Variants in GRIA1 observed in about 807,000 individuals in gnomAD.
GRIA1 encodes the protein glutamate receptor 1.
A neutral mutation model predicts 99.2 loss-of-function variants in GRIA1; 31 were observed. That is an observed-to-expected ratio of 0.31 (90% confidence interval 0.23 to 0.42). GRIA1 has a LOEUF of 0.42. GRIA1 is among the 10% of genes least tolerant of loss of function. GRIA1 has a pLI of 1.00. For synonymous variants in GRIA1, 438 were observed against 432.4 expected (o/e 1.01, Z -0.16); for missense variants, 782 against 1,157.5 (o/e 0.68, Z 4.71).
At chr5:153,710,423 A>G (rs1055236927) in intron 11 of GRIA1, among the ~76,000 whole-genome samples, 108 of 152,114 alleles carry the variant, frequency 7.1e-4, no homozygotes, top group African/African-American at 2.4e-3. Context: ...AGGTTTCCCT[A>G]TGCTGCCCAA....
intron 11 of GRIA1, among the ~76,000 whole-genome samples, chr5:153,731,579 C>T (rs1237259540): frequency 1.3e-5 from 2 of 152,004 alleles, no homozygotes; most frequent in South Asian, 4.1e-4. Context: ...TAAGGCAGAA[C>T]CCATTTTTTT....
At chr5:153,589,156 T>A (rs750619504) in intron 2 of GRIA1, among the ~76,000 whole-genome samples, 13 of 152,192 alleles carry the variant, frequency 8.5e-5, no homozygotes, top group Non-Finnish European at 1.5e-4. Flanking sequence ...CACAAGTATG[T>A]TAACATCATC....
At chr5:153,604,054 T>C (rs1385982890) in intron 2 of GRIA1, among the ~76,000 whole-genome samples, 1 of 152,180 alleles carries the variant, frequency 6.6e-6, no homozygotes, top group Non-Finnish European at 1.5e-5. Context: ...TGAGTCTTAT[T>C]TCATTTTTGT....
chr5:153,629,264 C>G (rs1412610035), intron 2 of GRIA1, among the ~76,000 whole-genome samples: 1 of 152,164 alleles, frequency 6.6e-6, no homozygotes, highest in Non-Finnish European at 1.5e-5. Context: ...ACATGCAGCT[C>G]GTGCTTCCAC....
chr5:153,744,406 A>G (rs1013539030), intron 11 of GRIA1, among the ~76,000 whole-genome samples: 7 of 152,178 alleles, frequency 4.6e-5, no homozygotes, highest in Admixed American at 3.9e-4. Context: ...AGAATTATGG[A>G]TGTATTTCGA....
intron 2 of GRIA1, among the ~76,000 whole-genome samples, chr5:153,645,012 G>A (rs1448521705): frequency 6.6e-6 from 1 of 152,036 alleles, no homozygotes; most frequent in Non-Finnish European, 1.5e-5. Context: ...AAAACTTTGA[G>A]TGGATTTGTA....
intron 2 of GRIA1, among the ~76,000 whole-genome samples, chr5:153,542,894 A>T (rs1298088210): frequency 1.3e-5 from 2 of 152,208 alleles, no homozygotes; most frequent in South Asian, 4.1e-4. Flanking sequence ...TTATGTGAGT[A>T]AAGTATAGTG....
intron 2 of GRIA1, among the ~76,000 whole-genome samples, chr5:153,516,459 A>G (rs1208295270): frequency 2.0e-5 from 3 of 151,992 alleles, no homozygotes; most frequent in African/African-American, 7.3e-5. Context: ...ATCTGATTTT[A>G]CCAATGAACA....
At chr5:153,656,392 T>A (rs1356597778) in intron 5 of GRIA1, among the ~76,000 whole-genome samples, 4 of 50,604 alleles carry the variant, frequency 7.9e-5, no homozygotes, top group African/African-American at 3.1e-4. Flanking sequence ...TTTATATATA[T>A]ATATATATAT....
chr5:153,654,362 G>T (rs1274357281), intron 4 of GRIA1, among the ~76,000 whole-genome samples: 1 of 152,088 alleles, frequency 6.6e-6, no homozygotes, highest in Non-Finnish European at 1.5e-5. Context: ...TTCATCTTGT[G>T]GGGACAATAT....
chr5:153,572,979 G>C (rs539195924), intron 2 of GRIA1, among the ~76,000 whole-genome samples: 1 of 152,336 alleles, frequency 6.6e-6, no homozygotes, highest in East Asian at 1.9e-4. Flanking sequence ...ATCCCAGAGA[G>C]TCTGGCCTTT....
chr5:153,658,997 C>CAGACAA (rs1755161521), intron 5 of GRIA1, among the ~76,000 whole-genome samples: 1 of 141,432 alleles, frequency 7.1e-6, no homozygotes, highest in Admixed American at 6.9e-5. Context: ...AACAAACAAA[C>CAGACAA]AAAAAAAAAA....
At chr5:153,539,133 A>C (rs908303159) in intron 2 of GRIA1, among the ~76,000 whole-genome samples, 1 of 152,224 alleles carries the variant, frequency 6.6e-6, no homozygotes, top group Non-Finnish European at 1.5e-5. Context: ...TGTATTTATC[A>C]TATCTGTGCA....
rs142058586 is a variant in GRIA1, at chr5:153,695,059, T to C, written c.1135-2985T>C. Among the ~76,000 whole-genome samples, 1,079 of 152,304 alleles carry C rather than the reference T, an allele frequency of 7.1e-3. 5 individuals carry two copies. The highest frequency in any genetic ancestry group is 0.011 in the Non-Finnish European group (739 of 68,026). ...TGACAGATATTTTCCCAGGTTTGTATTGATTTTATTAAATAATCTTACCTT... is the reference window on the plus strand; with the variant it reads ...TGACAGATATTTTCCCAGGTTTGTACTGATTTTATTAAATAATCTTACCTT... On this transcript the variant is annotated intron_variant, in intron 8 of 15. Coordinates refer to ENST00000285900, the MANE Select transcript of GRIA1 (RefSeq NM_000827.4).
chr5:153,493,816 A>G (rs1277238005), intron 1 of GRIA1, 112 bp from the exon 2 acceptor site: 1 of 1,041,284 alleles, frequency 9.6e-7, no homozygotes. Context: ...ACTCAAGGCT[A>G]CAGCTAGTGA....
chr5:153,754,150 A>G (rs1762670232), intron 11 of GRIA1, among the ~76,000 whole-genome samples: 1 of 152,172 alleles, frequency 6.6e-6, no homozygotes, highest in African/African-American at 2.4e-5. Flanking sequence ...CTGGCCTCTA[A>G]TAATTCCAGC....
intron 2 of GRIA1, among the ~76,000 whole-genome samples, chr5:153,560,510 C>T (rs531954284): frequency 5.9e-5 from 9 of 152,204 alleles, no homozygotes; most frequent in Admixed American, 1.3e-4. Flanking sequence ...TGTGTTTTTC[C>T]GTGCTGTCCT....
At chr5:153,727,002 A>T (rs1760589455) in intron 11 of GRIA1, among the ~76,000 whole-genome samples, 1 of 152,196 alleles carries the variant, frequency 6.6e-6, no homozygotes, top group African/African-American at 2.4e-5. Context: ...ATATTGGCAA[A>T]CTGAATCCAG....
At chr5:153,558,692 T>C (rs1402468965) in intron 2 of GRIA1, among the ~76,000 whole-genome samples, 1 of 152,244 alleles carries the variant, frequency 6.6e-6, no homozygotes, top group Non-Finnish European at 1.5e-5. Context: ...GAAGCTGTTA[T>C]AAATATTCAT....
Sources: gnomAD v4.1 joint callset for allele counts (sites outside exome capture counted in the v4.1 genomes callset) on GRCh38, gnomAD v4.1.1 for gene constraint, MANE v1.5 for transcripts, NCBI Gene and HGNC (gene_info 2026-07-23, HGNC 2026-07-21) for gene names.